CSMD3: variants seen among roughly 807,000 people sequenced by gnomAD.
CSMD3 encodes CUB and sushi domain-containing protein 3.
Under a neutral mutation model 435.2 loss-of-function variants are expected in CSMD3, and 177 were observed. That is an observed-to-expected ratio of 0.41 (90% CI 0.36 to 0.46). The LOEUF is 0.46. CSMD3 is among the 20% of genes least tolerant of loss of function. The probability of loss-of-function intolerance (pLI) is 0.34; values close to 1 mark genes in which losing one functional copy is unlikely to be tolerated. For missense variants in CSMD3, 4,265 were observed against 4,504.6 expected (o/e 0.95, Z 1.52); for synonymous variants, 1,656 against 1,520.5 (o/e 1.09, Z -2.07).
chr8:112,275,957 A>G (rs759257224), intron 59 of CSMD3, among the ~76,000 whole-genome samples: 1 of 152,198 alleles, frequency 6.6e-6, no homozygotes, highest in Non-Finnish European at 1.5e-5. Flanking sequence ...AACTCATTTC[A>G]GTATTAACTC....
intron 1 of CSMD3, among the ~76,000 whole-genome samples, chr8:113,331,880 A>C (rs1253834917): frequency 6.6e-6 from 1 of 151,758 alleles, no homozygotes; most frequent in Non-Finnish European, 1.5e-5. Flanking sequence ...GAACGAGGAT[A>C]TTCATTCTTG....
At chr8:112,492,224 A>G (rs969161149) in intron 31 of CSMD3, among the ~76,000 whole-genome samples, 2 of 152,198 alleles carry the variant, frequency 1.3e-5, no homozygotes, top group South Asian at 2.1e-4. Context: ...ACAAATTAGC[A>G]TAACAGGCAG....
intron 1 of CSMD3, among the ~76,000 whole-genome samples, chr8:113,427,536 A>T (rs983462091): frequency 7.9e-5 from 12 of 151,286 alleles, no homozygotes; most frequent in African/African-American, 2.9e-4. Flanking sequence ...CAAGAAAAGT[A>T]CACTGGACAG....
At chr8:112,613,954 C>T (rs1006572098) in intron 22 of CSMD3, among the ~76,000 whole-genome samples, 5 of 151,902 alleles carry the variant, frequency 3.3e-5, no homozygotes, top group African/African-American at 9.7e-5. Context: ...AAAACTTTGT[C>T]GTAGAATTTT....
intron 6 of CSMD3, among the ~76,000 whole-genome samples, chr8:112,984,143 A>G (rs1401759733): frequency 6.6e-6 from 1 of 151,976 alleles, no homozygotes; most frequent in African/African-American, 2.4e-5. Flanking sequence ...AAGCAAATAT[A>G]TTATATATGA....
intron 1 of CSMD3, among the ~76,000 whole-genome samples, chr8:113,341,427 G>C (rs1299763179): frequency 1.3e-5 from 2 of 152,008 alleles, no homozygotes; most frequent in Non-Finnish European, 2.9e-5. Context: ...CCAATTGATA[G>C]AGTAATCAAC....
intron 13 of CSMD3, among the ~76,000 whole-genome samples, chr8:112,727,081 T>TA (rs2076981820): frequency 6.6e-6 from 1 of 151,806 alleles, no homozygotes; most frequent in Non-Finnish European, 1.5e-5. Flanking sequence ...CAGACTATAT[T>TA]AAAAAATCTC....
At chr8:112,839,712 A>T (rs537991213) in intron 11 of CSMD3, among the ~76,000 whole-genome samples, 59 of 151,682 alleles carry the variant, frequency 3.9e-4, no homozygotes, top group African/African-American at 1.4e-3. Context: ...ATGGTCTAGG[A>T]TACCTCTCTT....
At chr8:112,236,441 A>G (rs762694199) in intron 67 of CSMD3, among the ~76,000 whole-genome samples, 3 of 152,118 alleles carry the variant, frequency 2.0e-5, no homozygotes, top group Non-Finnish European at 4.4e-5. Flanking sequence ...CTTTCTTAGA[A>G]TTTATTTTAT....
At chr8:113,335,494 A>G (rs970188565) in intron 1 of CSMD3, among the ~76,000 whole-genome samples, 1 of 104,220 alleles carries the variant, frequency 9.6e-6, no homozygotes, top group Middle Eastern at 7.8e-3. Flanking sequence ...CTCTTTTTCT[A>G]TATTTACTAC....
In CSMD3 at chr8:113,151,939, T is replaced by C. The variant is rs537256537; in HGVS notation, c.709+21783A>G. ...GCCAGTCTGAAGAACAGCTCAGAAA[T>C]AGTCAAATCTAAAATGCATTTGTAA... On this transcript the variant is annotated intron_variant, in intron 4 of 70. Transcript: ENST00000297405. 2.6e-5 allele frequency among the ~76,000 whole-genome samples: 4 copies of C among 152,042 alleles called. No homozygotes were observed. In the South Asian group the frequency reaches 6.2e-4, roughly 24 times the overall value.
rs565121326 is a variant in CSMD3, at chr8:113,407,189, A to G, written c.178+29488T>C. 9.5e-4 allele frequency among the ~76,000 whole-genome samples: 144 copies of G among 152,306 alleles called. 1 individual carries two copies. The highest frequency in any genetic ancestry group is 1.7e-3 in the Non-Finnish European group (116 of 68,006). On this transcript the variant is annotated intron_variant, in intron 1 of 70. Transcript: ENST00000297405. ...GAAACTATAATCAATAATGTTTTAT[A>G]TAAATAAACTATGGAAGTTTCATCT...
At chr8:112,708,625 A>G (rs1485352446) in intron 13 of CSMD3, among the ~76,000 whole-genome samples, 3 of 148,804 alleles carry the variant, frequency 2.0e-5, no homozygotes, top group South Asian at 4.4e-4. Flanking sequence ...AACAAGTTTT[A>G]TGGGTTGTTA....
Position 112,224,818 on chromosome 8 carries a change from C to T in CSMD3, c.11077G>A (p.Ala3693Thr), listed in dbSNP as rs774172040. ...TTCAAGTTGGGATCAAATCGTACCGCCTTCCCTTCCACTGACTTTGCGTTG... is the reference window on the plus strand; with the variant it reads ...TTCAAGTTGGGATCAAATCGTACCGTCTTCCCTTCCACTGACTTTGCGTTG... ...DTNAKSVEGK[A>T]VRFDPNLNTV... The change falls in exon 71 of 71, where the codon GCG becomes ACG. Residue 3693 changes from alanine to threonine, a missense_variant. Physicochemically the swap from Ala to Thr is moderately conservative, Grantham distance 58. Coordinates refer to ENST00000297405, the MANE Select transcript of CSMD3 (RefSeq NM_198123.2). 1.2e-6 allele frequency: 2 copies of T among 1,613,878 alleles called. No individual in the cohort carries two copies. The highest frequency in any genetic ancestry group is 1.7e-6 in the Non-Finnish European group (2 of 1,179,898).
intron 12 of CSMD3, among the ~76,000 whole-genome samples, chr8:112,813,457 C>T (rs1418429500): frequency 2.0e-5 from 3 of 152,020 alleles, no homozygotes; most frequent in Non-Finnish European, 4.4e-5. Context: ...AAAGTATGTT[C>T]ACAAGGAATT....
At chr8:112,812,570 C>T (rs1009374098) in intron 12 of CSMD3, among the ~76,000 whole-genome samples, 1 of 152,182 alleles carries the variant, frequency 6.6e-6, no homozygotes, top group African/African-American at 2.4e-5. Context: ...CTCACTTCTG[C>T]TCTAAAATTT....
chr8:112,977,367 A>G (rs1014213632), intron 6 of CSMD3, among the ~76,000 whole-genome samples: 1 of 152,036 alleles, frequency 6.6e-6, no homozygotes, highest in Non-Finnish European at 1.5e-5. Flanking sequence ...TTCTGTTAGC[A>G]ATGTTTACTT....
intron 5 of CSMD3, among the ~76,000 whole-genome samples, chr8:113,084,622 C>A (rs866644609): frequency 0.013 from 1,518 of 117,710 alleles, 20 homozygotes; most frequent in Middle Eastern, 0.12. Flanking sequence ...TGAATGGAAC[C>A]AAAAAAAAAA....
chr8:113,195,485 G>A (rs2092640769), intron 3 of CSMD3, among the ~76,000 whole-genome samples: 1 of 150,634 alleles, frequency 6.6e-6, no homozygotes, highest in Admixed American at 6.7e-5. Context: ...TACAAGTCCA[G>A]TTAAACATGA....
Sources: allele counts gnomAD v4.1 joint callset (sites outside exome capture counted in the v4.1 genomes callset), GRCh38; gene constraint gnomAD v4.1.1; transcripts MANE v1.5; gene names NCBI Gene and HGNC (gene_info 2026-07-23, HGNC 2026-07-21).